ASPRV1: variants seen among roughly 807,000 people sequenced by gnomAD.
ASPRV1 encodes the protein retroviral-like aspartic protease 1.
A neutral mutation model predicts 11.0 loss-of-function variants in ASPRV1; 7 were observed. The ratio of observed to expected loss-of-function variants is 0.64; its 90% CI spans 0.36 to 1.20. The LOEUF is 1.20. Among genes scored for constraint, ASPRV1 ranks in the 50% most tolerant of loss-of-function variants. The probability of loss-of-function intolerance (pLI) is 0.02; values close to 1 mark genes in which losing one functional copy is unlikely to be tolerated. For missense variants in ASPRV1, 299 were observed against 320.0 expected (o/e 0.93, Z 0.50); for synonymous variants, 136 against 138.4 (o/e 0.98, Z 0.12).
At position 69,961,554 on chromosome 2, in the gene ASPRV1, T is replaced by C. The variant is rs752995291; in HGVS notation, c.-118A>G. On this transcript the variant is annotated 5_prime_UTR_variant, in exon 1 of 1. Transcript: ENST00000320256. The stretch of plus-strand genomic sequence containing the variant: ...CCTCTCGAAGCAGAGTGGGGATGAC[T>C]TGCCCGGCCTTGGGCAAGCAGGAGG... 6 of 1,614,100 alleles carry C rather than the reference T, an allele frequency of 3.7e-6. No homozygotes were observed. In the South Asian group the frequency reaches 6.6e-5, roughly 18 times the overall value.
At chr2:70,078,336 C>T in the ASPRV1 span, among the ~76,000 whole-genome samples, 1 of 152,104 alleles carries the variant, frequency 6.6e-6, no homozygotes, top group South Asian at 2.1e-4. Context: ...ATGCCTGGCA[C>T]AAGCAGACAG....
chr2:69,978,132 G>A, the ASPRV1 span, among the ~76,000 whole-genome samples: 5 of 152,186 alleles, frequency 3.3e-5, no homozygotes, highest in African/African-American at 4.8e-5. Flanking sequence ...TCTGCAGGGC[G>A]GGTGTGCTGG....
chr2:70,057,194 G>A, the ASPRV1 span, among the ~76,000 whole-genome samples: 8 of 151,620 alleles, frequency 5.3e-5, no homozygotes, highest in Admixed American at 2.6e-4. Flanking sequence ...TTGAGTCCAC[G>A]TGTTCTAGAC....
the ASPRV1 span, among the ~76,000 whole-genome samples, chr2:70,021,626 T>C: frequency 6.6e-6 from 1 of 151,092 alleles, no homozygotes; most frequent in Non-Finnish European, 1.5e-5. Flanking sequence ...CCAAGATGAA[T>C]AAATTCTAGA....
At chr2:70,084,616 TATA>T in the ASPRV1 span, among the ~76,000 whole-genome samples, 3 of 152,264 alleles carry the variant, frequency 2.0e-5, no homozygotes, top group Non-Finnish European at 4.4e-5. Context: ...TTAATCACTT[TATA>T]ATGTGTCCTT....
chr2:70,004,333 C>T, the ASPRV1 span, among the ~76,000 whole-genome samples: 1 of 151,952 alleles, frequency 6.6e-6, no homozygotes, highest in East Asian at 1.9e-4. Context: ...AGATCCAGAC[C>T]ATCCTGGCCA....
At chr2:69,991,503 G>A in the ASPRV1 span, among the ~76,000 whole-genome samples, 1 of 152,046 alleles carries the variant, frequency 6.6e-6, no homozygotes, top group African/African-American at 2.4e-5. Flanking sequence ...TGTTCCTCTG[G>A]GGGCTGGGTC....
chr2:70,047,441 TGAAAC>T, the ASPRV1 span, among the ~76,000 whole-genome samples: 25 of 152,332 alleles, frequency 1.6e-4, no homozygotes, highest in South Asian at 1.7e-3. Context: ...AATGCCACCA[TGAAAC>T]TGCCCGTTCT....
At chr2:69,937,423 T>C in the ASPRV1 span, 2 of 1,558,208 alleles carry the variant, frequency 1.3e-6, no homozygotes, top group Non-Finnish European at 1.7e-6. Context: ...CCTCCCTGTC[T>C]CCCTTGTGCT....
At chr2:70,032,427 G>A in the ASPRV1 span, among the ~76,000 whole-genome samples, 117 of 152,034 alleles carry the variant, frequency 7.7e-4, 2 homozygotes, top group Admixed American at 3.2e-3. Flanking sequence ...AGGCTAACAC[G>A]GGAGGGCTGC....
the ASPRV1 span, among the ~76,000 whole-genome samples, chr2:70,017,615 T>C: frequency 9.2e-5 from 14 of 152,320 alleles, no homozygotes; most frequent in African/African-American, 3.4e-4. Flanking sequence ...GTTGATGACA[T>C]GATCTTTAGA....
At chr2:69,944,708 A>C in the ASPRV1 span, among the ~76,000 whole-genome samples, 1 of 152,100 alleles carries the variant, frequency 6.6e-6, no homozygotes, top group Non-Finnish European at 1.5e-5. Context: ...TATTCCAGAC[A>C]GTGGAGCAGA....
the ASPRV1 span, among the ~76,000 whole-genome samples, chr2:70,080,358 C>T: frequency 6.6e-6 from 1 of 152,092 alleles, no homozygotes; most frequent in Non-Finnish European, 1.5e-5. Context: ...ACCCAAGTAG[C>T]TGGGATTGTA....
the ASPRV1 span, among the ~76,000 whole-genome samples, chr2:69,934,419 C>G: frequency 4.6e-5 from 7 of 152,344 alleles, no homozygotes; most frequent in African/African-American, 1.7e-4. Context: ...CGTGCTCTCT[C>G]TTCAGTCAGT....
the ASPRV1 span, among the ~76,000 whole-genome samples, chr2:69,974,730 G>A: frequency 6.6e-6 from 1 of 152,272 alleles, no homozygotes; most frequent in Non-Finnish European, 1.5e-5. Flanking sequence ...GGTGGCAGGA[G>A]TTGTGGATGA....
At chr2:69,973,462 C>T in the ASPRV1 span, among the ~76,000 whole-genome samples, 33 of 152,242 alleles carry the variant, frequency 2.2e-4, no homozygotes, top group East Asian at 6.4e-3. Context: ...ACCACAAACG[C>T]CTGGGCTCAA....
the ASPRV1 span, chr2:70,069,408 T>G: frequency 1.4e-4 from 22 of 152,230 alleles, no homozygotes; most frequent in Non-Finnish European, 2.6e-4. Context: ...AGACATGGTT[T>G]ATGATGTCTG....
At chr2:70,061,580 G>A in the ASPRV1 span, among the ~76,000 whole-genome samples, 1 of 152,128 alleles carries the variant, frequency 6.6e-6, no homozygotes, top group African/African-American at 2.4e-5. Flanking sequence ...GGCCTGGGAT[G>A]AGACTTGAGA....
chr2:69,936,435 G>T, the ASPRV1 span, among the ~76,000 whole-genome samples: 1 of 152,190 alleles, frequency 6.6e-6, no homozygotes, highest in South Asian at 2.1e-4. Context: ...ATAGCAAAGG[G>T]TAAGGGGAAT....
Sources: gnomAD v4.1 joint callset for allele counts (sites outside exome capture counted in the v4.1 genomes callset) on GRCh38, gnomAD v4.1.1 for gene constraint, MANE v1.5 for transcripts, NCBI Gene and HGNC (gene_info 2026-07-23, HGNC 2026-07-21) for gene names.